HOMER1: variants seen among roughly 807,000 people sequenced by gnomAD.
HOMER1 encodes homer scaffold protein 1.
HOMER1 carries 3 observed loss-of-function variants against 48.9 expected under a neutral mutation model. That is an observed-to-expected ratio of 0.06 (90% CI 0.03 to 0.16). The LOEUF (loss-of-function observed/expected upper bound fraction) is 0.16, where lower values mean the gene tolerates loss of function less well. HOMER1 is among the 10% of genes least tolerant of loss of function. The pLI, the probability that HOMER1 is intolerant of heterozygous loss-of-function variation, is 1.00. For synonymous variants in HOMER1, 134 were observed against 146.4 expected (o/e 0.92, Z 0.61); for missense variants, 247 against 411.4 (o/e 0.60, Z 3.46).
intron 1 of HOMER1, among the ~76,000 whole-genome samples, chr5:79,464,681 T>C (rs1166832357): frequency 1.3e-5 from 2 of 152,170 alleles, no homozygotes; most frequent in Non-Finnish European, 2.9e-5. Context: ...ACATATATCC[T>C]ACCCCATGAA....
chr5:79,401,843 C>T, intron 6 of HOMER1, 56 bp downstream of exon 6: 1 of 1,548,922 alleles, frequency 6.5e-7, no homozygotes, highest in Non-Finnish European at 8.8e-7. Flanking sequence ...CAAATTTCTT[C>T]TGATCAAGAA....
intron 5 of HOMER1, 79 bp from the exon 6 acceptor site, chr5:79,402,134 T>C (rs985158775): frequency 5.8e-6 from 7 of 1,201,082 alleles, no homozygotes; most frequent in African/African-American, 4.6e-5. Flanking sequence ...CTCAGTTCTA[T>C]TGTAGGGTTT....
chr5:79,491,438 CAAAAAAAAAAAA>C (rs56778843), intron 1 of HOMER1, among the ~76,000 whole-genome samples: 1 of 57,708 alleles, frequency 1.7e-5, no homozygotes, highest in Non-Finnish European at 3.1e-5. Context: ...GACCTTGTCT[CAAAAAAAAAAAA>C]AAAAAAAAAA....
intron 8 of HOMER1, among the ~76,000 whole-genome samples, chr5:79,394,889 T>C (rs1749341809): frequency 6.6e-6 from 1 of 152,252 alleles, no homozygotes; most frequent in Non-Finnish European, 1.5e-5. Context: ...TTTAGAATTA[T>C]CAACATTAGA....
At chr5:79,481,934 T>C (rs73124109) in intron 1 of HOMER1, among the ~76,000 whole-genome samples, 12,682 of 152,116 alleles carry the variant, frequency 0.083, 1,196 homozygotes, top group East Asian at 0.23. Flanking sequence ...TAAAAGAATA[T>C]AAGTCTGGGC....
At chr5:79,472,500 G>A (rs183670777) in intron 1 of HOMER1, among the ~76,000 whole-genome samples, 54 of 152,226 alleles carry the variant, frequency 3.5e-4, no homozygotes, top group African/African-American at 1.1e-3. Flanking sequence ...CCCTAGGCCA[G>A]GCGTGGTGGC....
chr5:79,381,597 C>T (rs1398405174), intron 8 of HOMER1, among the ~76,000 whole-genome samples: 1 of 152,094 alleles, frequency 6.6e-6, no homozygotes, highest in African/African-American at 2.4e-5. Context: ...AAAAAACGCA[C>T]AAAGAGGCCA....
chr5:79,411,716 A>C (rs112970342), intron 5 of HOMER1, among the ~76,000 whole-genome samples: 8 of 152,092 alleles, frequency 5.3e-5, no homozygotes, highest in African/African-American at 1.9e-4. Flanking sequence ...AGGGCCTAGG[A>C]CCCATTATTA....
chr5:79,455,437 G>A (rs1021276461), intron 2 of HOMER1, among the ~76,000 whole-genome samples: 7 of 152,076 alleles, frequency 4.6e-5, no homozygotes, highest in Non-Finnish European at 7.4e-5. Context: ...GGTTTTATAC[G>A]CATCTGGCAT....
intron 5 of HOMER1, among the ~76,000 whole-genome samples, chr5:79,403,556 C>A (rs1749585604): frequency 1.3e-5 from 2 of 152,006 alleles, no homozygotes; most frequent in African/African-American, 4.8e-5. Flanking sequence ...TGTAAAATAA[C>A]TGAAACTCTT....
chr5:79,503,830 C>T (rs966410283), intron 1 of HOMER1, among the ~76,000 whole-genome samples: 7 of 151,924 alleles, frequency 4.6e-5, no homozygotes, highest in Non-Finnish European at 1.0e-4. Flanking sequence ...TTCATCTTCA[C>T]ATTGAGCAGG....
intron 8 of HOMER1, among the ~76,000 whole-genome samples, chr5:79,383,705 A>G (rs1460262578): frequency 6.6e-6 from 1 of 152,054 alleles, no homozygotes. Context: ...TTATACAACA[A>G]TTCTTCTCAT....
chr5:79,418,955 T>C (rs1355873085), intron 5 of HOMER1, among the ~76,000 whole-genome samples: 1 of 152,136 alleles, frequency 6.6e-6, no homozygotes, highest in Non-Finnish European at 1.5e-5. Context: ...AAAGGAAAAG[T>C]TGGGATCAAA....
At chr5:79,464,182 A>G (rs1000974748) in intron 1 of HOMER1, among the ~76,000 whole-genome samples, 6 of 150,948 alleles carry the variant, frequency 4.0e-5, no homozygotes, top group Admixed American at 1.3e-4. Flanking sequence ...CAAAGAATCA[A>G]AGAATGACAA....
intron 1 of HOMER1, among the ~76,000 whole-genome samples, chr5:79,471,390 C>CA (rs1468962820): frequency 2.0e-5 from 3 of 151,642 alleles, no homozygotes; most frequent in Non-Finnish European, 2.9e-5. Flanking sequence ...ACTAAAAATA[C>CA]AAAAAATTAG....
At chr5:79,426,962 A>G (rs4624778) in intron 5 of HOMER1, among the ~76,000 whole-genome samples, 3,646 of 152,252 alleles carry the variant, frequency 0.024, 147 homozygotes, top group African/African-American at 0.083. Context: ...TTAAAAAAAA[A>G]TTGGGTTAAT....
intron 1 of HOMER1, among the ~76,000 whole-genome samples, chr5:79,475,392 G>A (rs1240248940): frequency 6.7e-6 from 1 of 148,440 alleles, no homozygotes; most frequent in Non-Finnish European, 1.5e-5. Flanking sequence ...CCCATGCAAG[G>A]TGTTCAATAA....
At chr5:79,388,592 A>G (rs931367029) in intron 8 of HOMER1, among the ~76,000 whole-genome samples, 6 of 152,290 alleles carry the variant, frequency 3.9e-5, no homozygotes, top group African/African-American at 1.4e-4. Flanking sequence ...ACAAGTTTGA[A>G]TTATATATTG....
At chr5:79,472,412 C>A (rs1312830234) in intron 1 of HOMER1, among the ~76,000 whole-genome samples, 1 of 152,056 alleles carries the variant, frequency 6.6e-6, no homozygotes, top group African/African-American at 2.4e-5. Context: ...CATTGAGCTG[C>A]AGATTTGTGC....
Sources: allele counts gnomAD v4.1 joint callset (sites outside exome capture counted in the v4.1 genomes callset), GRCh38; gene constraint gnomAD v4.1.1; transcripts MANE v1.5; gene names NCBI Gene and HGNC (gene_info 2026-07-23, HGNC 2026-07-21).